The following CREB5 variants were observed in gnomAD, a reference collection of about 807,000 sequenced individuals.
The protein encoded by CREB5 is cAMP responsive element binding protein 5, also known as cyclic AMP-responsive element-binding protein 5.
Under a neutral mutation model 57.1 loss-of-function variants are expected in CREB5, and 19 were observed. That is an observed-to-expected ratio of 0.33 (90% CI 0.23 to 0.49). CREB5 has a LOEUF of 0.49. Among genes scored for constraint, CREB5 ranks in the 20% least tolerant of loss-of-function variants. The probability of loss-of-function intolerance (pLI) is 0.99; values close to 1 mark genes in which losing one functional copy is unlikely to be tolerated. For missense variants in CREB5, 579 were observed against 671.6 expected (o/e 0.86, Z 1.52); for synonymous variants, 238 against 238.3 (o/e 1.00, Z 0.01).
chr7:28,486,385 A>C (rs998926047), intron 1 of CREB5, among the ~76,000 whole-genome samples: 1 of 151,862 alleles, frequency 6.6e-6, no homozygotes, highest in Non-Finnish European at 1.5e-5. Context: ...CCTTCAGACA[A>C]AGGGTGATTA....
At chr7:28,347,841 ACT>A (rs1458028793) in intron 1 of CREB5, among the ~76,000 whole-genome samples, 3 of 152,060 alleles carry the variant, frequency 2.0e-5, no homozygotes, top group African/African-American at 7.3e-5. Context: ...AGTTGCATCG[ACT>A]CTGTCCAAGA....
chr7:28,337,331 C>T (rs1016453873), intron 1 of CREB5, among the ~76,000 whole-genome samples: 2 of 152,040 alleles, frequency 1.3e-5, no homozygotes, highest in African/African-American at 4.8e-5. Flanking sequence ...AAGTCTGTCT[C>T]TCTCTTTAGC....
chr7:28,742,190 A>G (rs1010648537), intron 7 of CREB5, among the ~76,000 whole-genome samples: 54 of 152,142 alleles, frequency 3.5e-4, no homozygotes, highest in African/African-American at 1.3e-3. Context: ...AGTGATGGAA[A>G]TGACCTACAG....
intron 4 of CREB5, among the ~76,000 whole-genome samples, chr7:28,565,360 G>T (rs1309817153): frequency 2.0e-5 from 3 of 152,098 alleles, no homozygotes; most frequent in African/African-American, 7.2e-5. Context: ...TCTACATATT[G>T]GTAAATTTGT....
chr7:28,531,686 A>C (rs753114256), intron 4 of CREB5, among the ~76,000 whole-genome samples: 3 of 152,144 alleles, frequency 2.0e-5, no homozygotes, highest in Non-Finnish European at 2.9e-5. Context: ...TTTACTTTAC[A>C]TAGGAATTCT....
intron 1 of CREB5, among the ~76,000 whole-genome samples, chr7:28,300,994 A>G (rs545919778): frequency 6.6e-6 from 1 of 152,270 alleles, no homozygotes; most frequent in East Asian, 1.9e-4. Context: ...AGTGATTCAG[A>G]TATTTAGAAA....
intron 5 of CREB5, among the ~76,000 whole-genome samples, chr7:28,712,256 C>T (rs954725661): frequency 2.0e-5 from 3 of 151,926 alleles, no homozygotes; most frequent in African/African-American, 7.3e-5. Flanking sequence ...ACCTGAAATC[C>T]CAGCACTTTG....
At chr7:28,596,699 C>T (rs1401326405) in intron 5 of CREB5, among the ~76,000 whole-genome samples, 3 of 152,162 alleles carry the variant, frequency 2.0e-5, no homozygotes, top group Admixed American at 2.0e-4. Context: ...TACTTTCTTC[C>T]TGCTTCAGTT....
intron 5 of CREB5, among the ~76,000 whole-genome samples, chr7:28,584,492 C>T (rs113632711): frequency 0.018 from 2,766 of 152,064 alleles, 43 homozygotes; most frequent in Middle Eastern, 0.041. Flanking sequence ...TCTGCAGAGG[C>T]GTATATTGGA....
At chr7:28,794,211 C>T (rs1411488764) in intron 7 of CREB5, among the ~76,000 whole-genome samples, 2 of 152,136 alleles carry the variant, frequency 1.3e-5, no homozygotes, top group Admixed American at 6.6e-5. Context: ...CTTTCTTCTT[C>T]GATAAAAGCT....
chr7:28,523,176 G>A (rs1235506856), intron 4 of CREB5, among the ~76,000 whole-genome samples: 1 of 152,184 alleles, frequency 6.6e-6, no homozygotes, highest in South Asian at 2.1e-4. Flanking sequence ...TGGGATTCAG[G>A]GAGTTGCTAT....
chr7:28,761,910 G>C (rs1208172223), intron 7 of CREB5, among the ~76,000 whole-genome samples: 2 of 152,066 alleles, frequency 1.3e-5, no homozygotes, highest in Non-Finnish European at 2.9e-5. Context: ...GCTTTGGGAA[G>C]CAGAATAATT....
intron 1 of CREB5, among the ~76,000 whole-genome samples, chr7:28,447,701 A>C (rs1370660058): frequency 3.9e-5 from 6 of 152,170 alleles, no homozygotes; most frequent in African/African-American, 1.4e-4. Flanking sequence ...AAGATAAAGA[A>C]CATGATGACT....
intron 1 of CREB5, among the ~76,000 whole-genome samples, chr7:28,449,186 G>C (rs564052782): frequency 6.6e-6 from 1 of 152,082 alleles, no homozygotes; most frequent in Non-Finnish European, 1.5e-5. Flanking sequence ...CTCACTAAAG[G>C]CAATCTTCTC....
intron 5 of CREB5, among the ~76,000 whole-genome samples, chr7:28,611,105 A>T (rs1380254241): frequency 6.6e-6 from 1 of 152,062 alleles, no homozygotes; most frequent in East Asian, 1.9e-4. Context: ...AGAGTTAGGA[A>T]GTTAAGAATT....
intron 7 of CREB5, among the ~76,000 whole-genome samples, chr7:28,757,672 A>G (rs1018641178): frequency 7.5e-6 from 1 of 133,926 alleles, no homozygotes. Flanking sequence ...ACTCCGTCTC[A>G]AAAAAAAAAA....
chr7:28,576,172 G>A (rs1053650473), intron 5 of CREB5, among the ~76,000 whole-genome samples: 5 of 152,084 alleles, frequency 3.3e-5, no homozygotes, highest in Non-Finnish European at 5.9e-5. Flanking sequence ...TGCTCTACTC[G>A]GGAGAGAAAA....
At chr7:28,750,472 A>C (rs972179479) in intron 7 of CREB5, among the ~76,000 whole-genome samples, 1 of 152,226 alleles carries the variant, frequency 6.6e-6, no homozygotes, top group African/African-American at 2.4e-5. Context: ...ATTTCTGACA[A>C]GAAAATTTGT....
intron 1 of CREB5, among the ~76,000 whole-genome samples, chr7:28,452,740 C>G (rs1006288001): frequency 2.0e-5 from 3 of 152,288 alleles, no homozygotes; most frequent in Non-Finnish European, 4.4e-5. Flanking sequence ...CTCTTCTCAC[C>G]CTCTGGTCTC....
Sources: allele counts gnomAD v4.1 joint callset (sites outside exome capture counted in the v4.1 genomes callset), GRCh38; gene constraint gnomAD v4.1.1; transcripts MANE v1.5; gene names NCBI Gene and HGNC (gene_info 2026-07-23, HGNC 2026-07-21).